The following PWWP2A variants were observed in gnomAD, a reference collection of about 807,000 sequenced individuals.
The protein encoded by PWWP2A is PWWP domain containing 2A.
In PWWP2A, 18 loss-of-function variants were observed where a neutral mutation model predicts 48.5. The ratio of observed to expected loss-of-function variants is 0.37; its 90% CI spans 0.26 to 0.55. PWWP2A has a LOEUF of 0.55. PWWP2A is among the 20% of genes least tolerant of loss of function. PWWP2A has a pLI of 0.81. For missense variants in PWWP2A, 867 were observed against 976.4 expected (o/e 0.89, Z 1.49); for synonymous variants, 396 against 387.7 (o/e 1.02, Z -0.25).
chr5:160,097,165 C>T (rs1452733449), intron 1 of PWWP2A, among the ~76,000 whole-genome samples: 3 of 151,472 alleles, frequency 2.0e-5, no homozygotes, highest in Non-Finnish European at 2.9e-5. Flanking sequence ...AGGAAGACTC[C>T]GTGTTTCTAC....
intron 1 of PWWP2A, among the ~76,000 whole-genome samples, chr5:160,100,943 G>A (rs1428464700): frequency 1.3e-5 from 2 of 152,210 alleles, no homozygotes; most frequent in African/African-American, 2.4e-5. Context: ...GGTGGAAGGT[G>A]GAAGCAACCC....
intron 1 of PWWP2A, chr5:160,113,106 C>T (rs547329742): frequency 3.7e-5 from 15 of 403,504 alleles, no homozygotes; most frequent in Non-Finnish European, 4.7e-5. Flanking sequence ...TGCAGTGAGC[C>T]GAAGTCCCGC....
intron 4 of PWWP2A, chr5:160,065,450 C>CCCGCCTGCTGT (rs1415433241): frequency 2.2e-6 from 1 of 460,990 alleles, no homozygotes; most frequent in East Asian, 6.8e-5. Context: ...ATGACGGGTT[C>CCCGCCTGCTGT]CCGCCTGCTG....
chr5:160,117,182 G>A (rs972656660), intron 1 of PWWP2A, among the ~76,000 whole-genome samples: 6 of 152,194 alleles, frequency 3.9e-5, no homozygotes, highest in African/African-American at 2.4e-5. Flanking sequence ...AGTGCAGGCC[G>A]GGCACAGTGG....
At chr5:160,096,693 A>T (rs73311162) in intron 1 of PWWP2A, among the ~76,000 whole-genome samples, 1 of 152,152 alleles carries the variant, frequency 6.6e-6, no homozygotes, top group Non-Finnish European at 1.5e-5. Context: ...GCAGTGGTGC[A>T]ATCATGGATT....
downstream of PWWP2A, among the ~76,000 whole-genome samples, chr5:160,070,917 G>A (rs992564824): frequency 6.6e-6 from 1 of 152,244 alleles, no homozygotes; most frequent in Non-Finnish European, 1.5e-5. Context: ...GCCAGGCGCC[G>A]TGGCTCACGC....
chr5:160,117,273 A>C (rs1262429591), intron 1 of PWWP2A, among the ~76,000 whole-genome samples: 1 of 152,202 alleles, frequency 6.6e-6, no homozygotes, highest in African/African-American at 2.4e-5. Context: ...CAGCCTAGGC[A>C]GCACAGCAAG....
At chr5:160,058,058 T>C (rs993152965), downstream of PWWP2A, among the ~76,000 whole-genome samples, 3 of 151,980 alleles carry the variant, frequency 2.0e-5, no homozygotes, top group Non-Finnish European at 2.9e-5. Context: ...TGAGCCACTG[T>C]GCCCGGCCAG....
intron 1 of PWWP2A, among the ~76,000 whole-genome samples, chr5:160,098,823 C>T (rs1755953888): frequency 1.3e-5 from 2 of 152,152 alleles, no homozygotes; most frequent in Non-Finnish European, 2.9e-5. Flanking sequence ...CAAAAATCAG[C>T]CAGGTGTGGT....
chr5:160,083,923 G>A (rs776830632), intron 2 of PWWP2A, among the ~76,000 whole-genome samples: 16 of 152,178 alleles, frequency 1.1e-4, no homozygotes, highest in African/African-American at 4.8e-5. Flanking sequence ...CATGACCTTC[G>A]ATTCAGTTAA....
At chr5:160,072,544 G>C (rs185550456), downstream of PWWP2A, among the ~76,000 whole-genome samples, 29 of 152,260 alleles carry the variant, frequency 1.9e-4, no homozygotes, top group East Asian at 3.5e-3. Flanking sequence ...CTGGATAACA[G>C]AGAAACCCCG....
chr5:160,093,384 G>A lies in PWWP2A; in HGVS notation c.1266C>T (p.Asn422=). 6.2e-7 allele frequency: 1 copy of A among 1,613,796 alleles called. No individual in the cohort carries two copies. ...LSTKKVLQSK[N]MDHAKAREVL... ...CTTCCCGAGCTTTCGCATGATCCAT[G>A]TTCTTACTCTGGAGAACTTTTTTAG... The change falls in exon 2 of 2, where the codon AAC becomes AAT. Residue 422 remains asparagine (N), a synonymous_variant. Transcript: ENST00000307063. The surrounding 1 kb of genome is among the most constrained non-coding windows in gnomAD (Gnocchi z 5.8).
intron 1 of PWWP2A, among the ~76,000 whole-genome samples, chr5:160,099,247 C>T (rs1410561890): frequency 6.6e-6 from 1 of 152,176 alleles, no homozygotes; most frequent in Non-Finnish European, 1.5e-5. Flanking sequence ...TCCAAAATAA[C>T]TTTCTACAAA....
downstream of PWWP2A, among the ~76,000 whole-genome samples, chr5:160,088,946 AAT>A (rs1214393799): frequency 1.3e-5 from 2 of 152,348 alleles, no homozygotes; most frequent in East Asian, 3.9e-4. Flanking sequence ...AACTCAATTT[AAT>A]ATGTTGCAAT....
Position 160,091,810 on chromosome 5 carries a change from A to C in PWWP2A, c.*572T>G. 2 of 985,014 alleles carry C rather than the reference A, an allele frequency of 2.0e-6. No homozygotes were observed. Among genetic ancestry groups the C allele is most frequent in the Non-Finnish European group, 2.4e-6 (2 of 829,862 alleles). 61.0% of individuals were successfully genotyped at this position (985,014 alleles called of 1,614,324 possible). ...TGTTTGTCAAACACCTAACCATCTA[A>C]CTTTTACACCATTATGCGCATAGAA... On this transcript the variant is annotated 3_prime_UTR_variant, in exon 2 of 2. Coordinates refer to ENST00000307063, the MANE Select transcript of PWWP2A (RefSeq NM_001130864.2).
intron 1 of PWWP2A, among the ~76,000 whole-genome samples, chr5:160,118,360 A>G (rs1758342469): frequency 6.6e-6 from 1 of 152,082 alleles, no homozygotes; most frequent in South Asian, 2.1e-4. Flanking sequence ...CCTTTCTCCA[A>G]TCCCGCTAAA....
At chr5:160,082,443 C>CAA (rs35974527) in intron 2 of PWWP2A, among the ~76,000 whole-genome samples, 2 of 134,702 alleles carry the variant, frequency 1.5e-5, no homozygotes, top group Non-Finnish European at 3.2e-5. Context: ...GACTCCGTCT[C>CAA]AAAAAAAAAA....
At chr5:160,089,666 GA>G, downstream of PWWP2A, 2 of 1,284,882 alleles carry the variant, frequency 1.6e-6, no homozygotes, top group South Asian at 2.5e-5. Context: ...AGAATTTCCA[GA>G]AATAAAGACA....
At chr5:160,106,552 T>C (rs960988984) in intron 1 of PWWP2A, among the ~76,000 whole-genome samples, 2 of 151,620 alleles carry the variant, frequency 1.3e-5, no homozygotes, top group Admixed American at 6.6e-5. Flanking sequence ...ACAAGAAATA[T>C]GCAAAAAAGT....
Sources: allele counts gnomAD v4.1 joint callset (sites outside exome capture counted in the v4.1 genomes callset), GRCh38; gene constraint gnomAD v4.1.1; non-coding constraint Gnocchi (gnomAD v3.1); transcripts MANE v1.5; gene names NCBI Gene and HGNC (gene_info 2026-07-23, HGNC 2026-07-21).